Variants in SHISA9 observed in about 807,000 individuals in gnomAD.
The protein encoded by SHISA9 is protein shisa-9.
In SHISA9, 13 loss-of-function variants were observed where a neutral mutation model predicts 38.0. The ratio of observed to expected loss-of-function variants is 0.34; its 90% CI spans 0.22 to 0.54. The LOEUF (loss-of-function observed/expected upper bound fraction) is 0.54, where lower values mean the gene tolerates loss of function less well. Among genes scored for constraint, SHISA9 ranks in the 20% least tolerant of loss-of-function variants. The pLI, the probability that SHISA9 is intolerant of heterozygous loss-of-function variation, is 0.91. For synonymous variants in SHISA9, 275 were observed against 242.0 expected, an observed-to-expected ratio of 1.14 and a Z score of -1.27; for missense variants, 538 against 575.8, an observed-to-expected ratio of 0.93 and a Z score of 0.67.
the SHISA9 span, among the ~76,000 whole-genome samples, chr16:13,431,796 C>T: frequency 6.6e-6 from 1 of 152,194 alleles, no homozygotes; most frequent in African/African-American, 2.4e-5. Context: ...GCAAGTGGCT[C>T]ACGTCTGTAA....
In SHISA9 at chr16:13,056,449, A is replaced by G. The variant is rs114653360; in HGVS notation, c.691+139634A>G. Among the ~76,000 whole-genome samples the G allele has an allele frequency of 2.6e-3, 394 of 152,292 alleles. 1 individual carries two copies. Among genetic ancestry groups the G allele is most frequent in the African/African-American group, 9.2e-3 (383 of 41,554 alleles). ...GAGATCTGTGTTGATCCATCTCTTT[A>G]TGTTGGAATCACCTACAGACATCAG... On this transcript the variant is annotated intron_variant, in intron 2 of 4. Coordinates refer to ENST00000558583, the MANE Select transcript of SHISA9 (RefSeq NM_001145204.3).
chr16:13,026,097 G>A (rs572369673), intron 2 of SHISA9, among the ~76,000 whole-genome samples: 12 of 152,278 alleles, frequency 7.9e-5, no homozygotes, highest in South Asian at 2.1e-4. Flanking sequence ...GAGCCACCGC[G>A]CCCACCTTAA....
chr16:13,357,828 G>A, the SHISA9 span, among the ~76,000 whole-genome samples: 1 of 150,184 alleles, frequency 6.7e-6, no homozygotes, highest in Non-Finnish European at 1.5e-5. Flanking sequence ...CTCAGTGGGG[G>A]TGCTTTTTGA....
chr16:12,999,922 T>A (rs1406291889), intron 2 of SHISA9, among the ~76,000 whole-genome samples: 1 of 152,192 alleles, frequency 6.6e-6, no homozygotes, highest in Non-Finnish European at 1.5e-5. Context: ...CAATGGAAGC[T>A]GGGAAATACA....
At chr16:13,521,505 G>A in the SHISA9 span, among the ~76,000 whole-genome samples, 1 of 152,114 alleles carries the variant, frequency 6.6e-6, no homozygotes, top group Non-Finnish European at 1.5e-5. Flanking sequence ...GTCACTTTAG[G>A]TCAGTGGTTC....
chr16:13,446,986 G>GAA, the SHISA9 span, among the ~76,000 whole-genome samples: 1 of 121,778 alleles, frequency 8.2e-6, no homozygotes, highest in East Asian at 2.7e-4. Flanking sequence ...TCTCAAAAAA[G>GAA]AAAAAAAAAA....
downstream of SHISA9, among the ~76,000 whole-genome samples, chr16:13,240,629 C>T (rs570887937): frequency 6.6e-6 from 1 of 152,328 alleles, no homozygotes; most frequent in African/African-American, 2.4e-5. Context: ...GTTTGTGTCA[C>T]ATCTCCTAGT....
At chr16:12,957,065 C>A (rs920536468) in intron 2 of SHISA9, among the ~76,000 whole-genome samples, 1 of 151,974 alleles carries the variant, frequency 6.6e-6, no homozygotes, top group African/African-American at 2.4e-5. Context: ...GGAGAGTATT[C>A]ATCTACTCTC....
the SHISA9 span, among the ~76,000 whole-genome samples, chr16:13,305,375 C>G: frequency 6.6e-6 from 1 of 152,166 alleles, no homozygotes; most frequent in Non-Finnish European, 1.5e-5. Context: ...TCCAGGTATT[C>G]AGGCCCTTGT....
At chr16:13,515,842 G>A in the SHISA9 span, among the ~76,000 whole-genome samples, 2 of 152,098 alleles carry the variant, frequency 1.3e-5, no homozygotes, top group Non-Finnish European at 2.9e-5. Flanking sequence ...CCAAGATTAG[G>A]AATATTAAAA....
intron 2 of SHISA9, among the ~76,000 whole-genome samples, chr16:12,964,830 G>C (rs866139424): frequency 1.1e-4 from 17 of 152,068 alleles, no homozygotes; most frequent in African/African-American, 4.1e-4. Context: ...CATAATTTCT[G>C]TCCTGTTTAT....
the SHISA9 span, among the ~76,000 whole-genome samples, chr16:13,459,287 G>C: frequency 2.0e-5 from 3 of 152,196 alleles, no homozygotes; most frequent in East Asian, 5.8e-4. Flanking sequence ...AGAGGATTTT[G>C]ACAAAAACTT....
intron 2 of SHISA9, among the ~76,000 whole-genome samples, chr16:13,097,943 A>G (rs1215482049): frequency 6.6e-6 from 1 of 152,224 alleles, no homozygotes; most frequent in Non-Finnish European, 1.5e-5. Context: ...TTCTAGCCCT[A>G]GTACTAATGA....
chr16:12,925,784 A>T (rs1192595074), intron 2 of SHISA9, among the ~76,000 whole-genome samples: 2 of 152,240 alleles, frequency 1.3e-5, no homozygotes, highest in Admixed American at 1.3e-4. Context: ...AAGTGATAGG[A>T]AATGCCTACT....
the SHISA9 span, among the ~76,000 whole-genome samples, chr16:13,561,428 A>G: frequency 6.6e-6 from 1 of 152,200 alleles, no homozygotes; most frequent in African/African-American, 2.4e-5. Context: ...TGCTGCTGTC[A>G]GAGAGCTACT....
chr16:13,401,365 G>A, the SHISA9 span, among the ~76,000 whole-genome samples: 1 of 152,152 alleles, frequency 6.6e-6, no homozygotes, highest in Non-Finnish European at 1.5e-5. Context: ...CCAGAGCCAC[G>A]CCCTTCCCAC....
chr16:13,386,827 G>A, the SHISA9 span, among the ~76,000 whole-genome samples: 1 of 152,074 alleles, frequency 6.6e-6, no homozygotes, highest in African/African-American at 2.4e-5. Flanking sequence ...TTGCTGCATA[G>A]TATTCCATGG....
intron 2 of SHISA9, among the ~76,000 whole-genome samples, chr16:13,027,636 C>A (rs920994313): frequency 6.6e-6 from 1 of 152,056 alleles, no homozygotes; most frequent in African/African-American, 2.4e-5. Flanking sequence ...TTGATTCACA[C>A]AAAACATGGC....
intron 2 of SHISA9, among the ~76,000 whole-genome samples, chr16:13,088,365 C>T (rs535633340): frequency 6.6e-6 from 1 of 152,256 alleles, no homozygotes; most frequent in African/African-American, 2.4e-5. Flanking sequence ...TCATTGGTAG[C>T]TTGATGGGGA....
Sources: allele counts gnomAD v4.1 joint callset (sites outside exome capture counted in the v4.1 genomes callset), GRCh38; gene constraint gnomAD v4.1.1; transcripts MANE v1.5; gene names NCBI Gene and HGNC (gene_info 2026-07-23, HGNC 2026-07-21).